The following VWA5A variants were observed in gnomAD, a reference collection of about 807,000 sequenced individuals.
VWA5A encodes the protein von Willebrand factor A domain-containing protein 5A.
A neutral mutation model predicts 84.6 loss-of-function variants in VWA5A; 77 were observed. The observed-to-expected ratio is 0.91, with a 90% CI of 0.76 to 1.10. VWA5A has a LOEUF of 1.10. Ranked by LOEUF, VWA5A falls within the 50% of genes least tolerant of loss-of-function variation. The probability of loss-of-function intolerance (pLI) is 0.00; values close to 1 mark genes in which losing one functional copy is unlikely to be tolerated. For synonymous variants in VWA5A, 334 were observed against 350.1 expected (o/e 0.95, Z 0.51); for missense variants, 973 against 963.0 (o/e 1.01, Z -0.14).
intron 11 of VWA5A, among the ~76,000 whole-genome samples, chr11:124,127,240 C>T (rs976914579): frequency 2.0e-5 from 3 of 151,534 alleles, no homozygotes; most frequent in African/African-American, 7.3e-5. Context: ...TTGTTCAACT[C>T]CCACATATAA....
In VWA5A at chr11:124,123,738, C is replaced by A. The variant is rs1235537580; in HGVS notation, c.1098C>A (p.Gly366=). The part of the protein sequence containing the change: ...RVKLMQADLG[G]TEILAPLQNI... ...AGCTTATGCAGGCCGACCTAGGGGG[C>A]ACTGAAATCTTGGCACCACTCCAGA... Residue 366 remains glycine (G), a synonymous_variant, in exon 10 of 19, where the codon GGC becomes GGA. Coordinates refer to ENST00000456829, the MANE Select transcript of VWA5A (RefSeq NM_001130142.2). 1.2e-6 allele frequency: 2 copies of A among 1,610,602 alleles called. No homozygotes were observed. The highest frequency in any genetic ancestry group is 1.7e-6 in the Non-Finnish European group (2 of 1,178,822).
chr11:124,129,880 T>C (rs963526182), intron 11 of VWA5A, among the ~76,000 whole-genome samples: 1 of 152,222 alleles, frequency 6.6e-6, no homozygotes, highest in African/African-American at 2.4e-5. Flanking sequence ...TCTTTTCTTC[T>C]TTATTAGTCT....
intron 16 of VWA5A, 24 bp from the exon 17 acceptor site, chr11:124,142,418 C>T: frequency 6.2e-7 from 1 of 1,612,514 alleles, no homozygotes; most frequent in Non-Finnish European, 8.5e-7. Flanking sequence ...ATTTCTCATT[C>T]TTCTCTTTTC....
At position 124,136,294 on chromosome 11, in the gene VWA5A, G is replaced by C. The variant is rs1342298007; in HGVS notation, c.1524+1G>C. Reference sequence around the variant, plus strand: ...TGCCCAGCTGACCGGGAGGATGCCAGTGAGTTCCCATTCTTATTTGTTCCT... The same window carrying C: ...TGCCCAGCTGACCGGGAGGATGCCACTGAGTTCCCATTCTTATTTGTTCCT... On this transcript the variant is annotated splice_donor_variant, in intron 13 of 18. Coordinates refer to ENST00000456829, the MANE Select transcript of VWA5A (RefSeq NM_001130142.2). LOFTEE classifies it high-confidence loss of function. 1 of 1,611,582 alleles carries C rather than the reference G, an allele frequency of 6.2e-7. No homozygotes were observed. The highest frequency in any genetic ancestry group is 1.1e-5 in the South Asian group (1 of 91,012).
chr11:124,118,820 T>C, intron 6 of VWA5A, 112 bp downstream of exon 6: 1 of 1,383,728 alleles, frequency 7.2e-7, no homozygotes, highest in Non-Finnish European at 9.9e-7. Context: ...CACATGCTCC[T>C]TGCATATCGT....
At chr11:124,129,654 G>A (rs932956626) in intron 11 of VWA5A, among the ~76,000 whole-genome samples, 9 of 151,936 alleles carry the variant, frequency 5.9e-5, no homozygotes, top group South Asian at 2.1e-4. Context: ...CCTCAATTTC[G>A]GAACTTGTTA....
intron 11 of VWA5A, among the ~76,000 whole-genome samples, chr11:124,126,755 T>G (rs1302116559): frequency 6.6e-6 from 1 of 151,702 alleles, no homozygotes; most frequent in Non-Finnish European, 1.5e-5. Flanking sequence ...CAAGAATCCT[T>G]CTTGAAAAAA....
chr11:124,118,889 A>G (rs577245242), intron 6 of VWA5A, 86 bp from the exon 7 acceptor site: 2 of 1,402,546 alleles, frequency 1.4e-6, no homozygotes, highest in East Asian at 2.4e-5. Flanking sequence ...ATGCTGTCTT[A>G]TGGAGGAGGA....
chr11:124,141,866 A>G, intron 16 of VWA5A, 125 bp downstream of exon 16: 2 of 1,319,940 alleles, frequency 1.5e-6, no homozygotes, highest in Non-Finnish European at 2.1e-6. Flanking sequence ...GGGACCCCCC[A>G]TGCATTGGAA....
intron 11 of VWA5A, among the ~76,000 whole-genome samples, chr11:124,130,642 C>T (rs954850203): frequency 2.0e-5 from 3 of 152,054 alleles, no homozygotes; most frequent in African/African-American, 7.2e-5. Context: ...TAAGAATTTG[C>T]TTTGTGAATC....
At chr11:124,141,845 T>C (rs1215238313) in intron 16 of VWA5A, 104 bp downstream of exon 16, 4 of 1,454,500 alleles carry the variant, frequency 2.8e-6, no homozygotes, top group Non-Finnish European at 3.7e-6. Flanking sequence ...AAGAGATGCA[T>C]GTTTCTCGAA....
At chr11:124,142,210 G>A (rs927112497) in intron 16 of VWA5A, among the ~76,000 whole-genome samples, 2 of 152,192 alleles carry the variant, frequency 1.3e-5, no homozygotes, top group Admixed American at 1.3e-4. Flanking sequence ...CCTGCGGGCT[G>A]CCCTCGCCCC....
intron 1 of VWA5A, chr11:124,115,799 G>C (rs1266377419): frequency 6.6e-6 from 1 of 151,954 alleles, no homozygotes; most frequent in Admixed American, 6.6e-5. Flanking sequence ...GACAATTGAT[G>C]TTTTCTCAGT....
At chr11:124,117,634 A>T (rs77102388) in intron 3 of VWA5A, 39 bp from the exon 4 acceptor site, 1 of 1,613,982 alleles carries the variant, frequency 6.2e-7, no homozygotes, top group Non-Finnish European at 8.5e-7. Flanking sequence ...GAGGCAATCT[A>T]TTGAAGCTTG....
At chr11:124,136,705 CT>C in intron 14 of VWA5A, 31 bp downstream of exon 14, 2 of 926,714 alleles carry the variant, frequency 2.2e-6, no homozygotes, top group Non-Finnish European at 3.2e-6. Flanking sequence ...TCCTTCCTTC[CT>C]TCCTTCCTTC....
chr11:124,136,008 T>G, intron 12 of VWA5A, 121 bp from the exon 13 acceptor site: 1 of 1,093,678 alleles, frequency 9.1e-7, no homozygotes, highest in Non-Finnish European at 1.3e-6. Context: ...CCTAGAATAG[T>G]ATTGAGGAGT....
Position 124,142,271 on chromosome 11 carries a change from C to A in VWA5A, c.2024-171C>A, listed in dbSNP as rs528088980. On this transcript the variant is annotated intron_variant, in intron 16 of 18. Transcript: ENST00000456829. The stretch of plus-strand genomic sequence containing the variant: ...TGTGAGCCCCTGTTCCACTGGTCAT[C>A]CTTTCACAAGTAGGGTTTGAAGACC... Among the ~76,000 whole-genome samples the A allele has an allele frequency of 3.9e-5, 6 of 152,342 alleles. No individual in the cohort carries two copies. In the South Asian group the frequency reaches 1.0e-3, roughly 26 times the overall value.
intron 18 of VWA5A, 100 bp downstream of exon 18, chr11:124,145,463 T>C: frequency 7.0e-7 from 1 of 1,422,756 alleles, no homozygotes; most frequent in Non-Finnish European, 9.3e-7. Flanking sequence ...ACCATCCTGC[T>C]TCAGATCTTT....
chr11:124,123,808 AGAAGTG>A lies in VWA5A; in HGVS notation c.1164+8_1164+13del. 1 of 1,561,256 alleles carries A rather than the reference AGAAGTG, an allele frequency of 6.4e-7. No individual in the cohort carries two copies. The highest frequency in any genetic ancestry group is 8.6e-7 in the Non-Finnish European group (1 of 1,159,840). On this transcript the variant is annotated splice_donor_5th_base_variant and intron_variant, in intron 10 of 18. Transcript: ENST00000456829. ...CATCCCAGGCCACCCCCTACAGGTA[AGAAGTG>A]GAACAGAGCTAACAGAAGAGACAGG...
Sources: allele counts gnomAD v4.1 joint callset (sites outside exome capture counted in the v4.1 genomes callset), GRCh38; gene constraint gnomAD v4.1.1; transcripts MANE v1.5; gene names NCBI Gene and HGNC (gene_info 2026-07-23, HGNC 2026-07-21).